The following SFRP1 variants were observed in gnomAD, a reference collection of about 807,000 sequenced individuals.
The protein encoded by SFRP1 is secreted frizzled related protein 1.
Under a neutral mutation model 25.9 loss-of-function variants are expected in SFRP1, and 9 were observed. The ratio of observed to expected loss-of-function variants is 0.35; its 90% CI spans 0.21 to 0.61. SFRP1 has a LOEUF of 0.61. SFRP1 is among the 20% of genes least tolerant of loss of function. The probability of loss-of-function intolerance (pLI) is 0.78; values close to 1 mark genes in which losing one functional copy is unlikely to be tolerated. For missense variants in SFRP1, 346 were observed against 418.2 expected, an observed-to-expected ratio of 0.83 and a Z score of 1.51; for synonymous variants, 178 against 174.0, an observed-to-expected ratio of 1.02 and a Z score of -0.18.
chr8:41,283,353 C>T (rs959221809), intron 2 of SFRP1, among the ~76,000 whole-genome samples: 6 of 152,128 alleles, frequency 3.9e-5, no homozygotes, highest in African/African-American at 1.4e-4. Flanking sequence ...GTCACATTCT[C>T]TGCATTAGAC....
At chr8:41,291,072 A>G (rs1585516152) in intron 2 of SFRP1, among the ~76,000 whole-genome samples, 3 of 147,822 alleles carry the variant, frequency 2.0e-5, no homozygotes, top group Admixed American at 2.0e-4. Context: ...AGGCCCCGCT[A>G]TTTTTTTTTG....
chr8:41,265,126 A>AGCCCC lies in SFRP1; in HGVS notation c.*40_*41insGGGGC. On this transcript the variant is annotated 3_prime_UTR_variant, in exon 3 of 3. Coordinates refer to ENST00000220772, the MANE Select transcript of SFRP1 (RefSeq NM_003012.5). ...CCGGGGCACTGTCCCCCCCGCTCCC[A>AGCCCC]CCCCACCCGAGGCTCCCTCCCCACC... 7.3e-6 allele frequency: 1 copy of AGCCCC among 136,966 alleles called. No homozygotes were observed. Among genetic ancestry groups the AGCCCC allele is most frequent in the Non-Finnish European group, 1.4e-5 (1 of 71,656 alleles). 8.5% of individuals were successfully genotyped at this position (136,966 alleles called of 1,614,324 possible). A position where few individuals can be genotyped will look rare whatever the true frequency, so the allele number is the denominator to read the frequency against.
intron 2 of SFRP1, among the ~76,000 whole-genome samples, chr8:41,299,662 C>CAAAAAAAA (rs61141419): frequency 8.7e-4 from 58 of 66,352 alleles, no homozygotes; most frequent in African/African-American, 3.9e-3. Flanking sequence ...GACTTAGTCT[C>CAAAAAAAA]AAAAAAAAAA....
At chr8:41,271,429 C>T in intron 2 of SFRP1, 1 of 170,498 alleles carries the variant, frequency 5.9e-6, no homozygotes, top group Non-Finnish European at 1.3e-5. Context: ...CTCCTAAAAG[C>T]AAGATGGGTC....
At chr8:41,278,568 C>T (rs886836513) in intron 2 of SFRP1, among the ~76,000 whole-genome samples, 2 of 152,218 alleles carry the variant, frequency 1.3e-5, no homozygotes, top group African/African-American at 2.4e-5. Context: ...GAAGCCCAGA[C>T]CGCACAATGG....
chr8:41,281,023 G>A (rs548480105), intron 2 of SFRP1, among the ~76,000 whole-genome samples: 4 of 152,336 alleles, frequency 2.6e-5, no homozygotes, highest in African/African-American at 9.6e-5. Flanking sequence ...CCAGGTTTGG[G>A]GGCCAAGGCT....
chr8:41,290,003 C>G (rs1052230987), intron 2 of SFRP1, among the ~76,000 whole-genome samples: 1 of 152,228 alleles, frequency 6.6e-6, no homozygotes, highest in African/African-American at 2.4e-5. Flanking sequence ...CCAGCACAGC[C>G]AGGCTCACCA....
intron 2 of SFRP1, among the ~76,000 whole-genome samples, chr8:41,268,505 T>C (rs528137211): frequency 1.3e-5 from 2 of 152,302 alleles, no homozygotes; most frequent in South Asian, 2.1e-4. Context: ...TTTACGTAGG[T>C]GGGGGAGCAG....
Position 41,303,461 on chromosome 8 carries a change from C to T in SFRP1, c.622G>A (p.Ala208Thr). ...GAGGCAGCTAGAAACGCTTTCTTACCAAACTCGCTGGCACAGAGATGTTCA... is the reference window on the plus strand; with the variant it reads ...GAGGCAGCTAGAAACGCTTTCTTACTAAACTCGCTGGCACAGAGATGTTCA... ...IIEHLCASEF[A>T]LRMKIKEVKK... is the part of the protein sequence containing the mutation. The change falls in exon 2 of 3, where the codon GCA becomes ACA. Residue 208 changes from alanine (A) to threonine (T), a missense_variant and splice_region_variant. By Grantham distance (58) the Ala-to-Thr change is moderately conservative. Coordinates refer to ENST00000220772, the MANE Select transcript of SFRP1 (RefSeq NM_003012.5). 5 of 1,613,304 alleles carry T rather than the reference C, an allele frequency of 3.1e-6. No individual in the cohort carries two copies. The highest frequency in any genetic ancestry group is 4.2e-6 in the Non-Finnish European group (5 of 1,179,452).
At chr8:41,279,137 A>G (rs921191763) in intron 2 of SFRP1, among the ~76,000 whole-genome samples, 1 of 151,926 alleles carries the variant, frequency 6.6e-6, no homozygotes, top group African/African-American at 2.4e-5. Flanking sequence ...ATGGCCCAAA[A>G]CGCATCCAAT....
Position 41,309,058 on chromosome 8 carries a change from G to C in SFRP1, c.102C>G (p.Tyr34Ter). 1 of 1,602,958 alleles carries C rather than the reference G, an allele frequency of 6.2e-7. No homozygotes were observed. Among genetic ancestry groups the C allele is most frequent in the Non-Finnish European group, 8.5e-7 (1 of 1,179,458 alleles). The change falls in exon 1 of 3, where the codon TAC becomes TAG. Residue 34 changes from tyrosine (Y) to a stop codon, truncating the protein, a stop_gained. Coordinates refer to ENST00000220772, the MANE Select transcript of SFRP1 (RefSeq NM_003012.5). LOFTEE classifies it high-confidence loss of function. ...ALLAVGSASE[Y>*]DYVSFQSDIG... ...TGTCCGACTGGAAGCTCACGTAGTC[G>C]TACTCGCTGGCCGAGCCCACGGCCA...
rs75693009 is a variant in SFRP1, at chr8:41,294,983, T to C, written c.622+8478A>G. ...AGGAAGAACCCCAAGGCTAGTGTGA[T>C]ATGGAAACTCCAGCATCTGGAGCTG... On this transcript the variant is annotated intron_variant, in intron 2 of 2. Transcript: ENST00000220772. 7.4e-3 allele frequency among the ~76,000 whole-genome samples: 1,129 copies of C among 152,306 alleles called. 9 individuals are homozygous for C. The highest frequency in any genetic ancestry group is 0.02 in the Middle Eastern group (6 of 294).
intron 1 of SFRP1, among the ~76,000 whole-genome samples, chr8:41,307,479 T>G (rs1804012969): frequency 6.6e-6 from 1 of 152,160 alleles, no homozygotes. Context: ...AAAGACACTT[T>G]AAGGTGAGCT....
intron 2 of SFRP1, among the ~76,000 whole-genome samples, chr8:41,295,748 T>TG: frequency 6.6e-6 from 1 of 151,642 alleles, no homozygotes; most frequent in Non-Finnish European, 1.5e-5. Context: ...TGCAGCATTT[T>TG]TTTTTTTTTG....
intron 1 of SFRP1, chr8:41,306,844 T>C (rs748069164): frequency 1.3e-6 from 2 of 1,597,770 alleles, no homozygotes; most frequent in South Asian, 1.1e-5. Flanking sequence ...GATTATGGGG[T>C]TTCCCCATCC....
chr8:41,280,141 A>AG (rs1332062207), intron 2 of SFRP1, among the ~76,000 whole-genome samples: 25 of 152,148 alleles, frequency 1.6e-4, no homozygotes, highest in African/African-American at 5.8e-4. Context: ...TCCCAAGTCC[A>AG]GGGGAGTGCA....
chr8:41,305,551 C>T lies in SFRP1; in HGVS notation c.545-2013G>A, dbSNP rs73618187. ...AAATGTGTGATGCGGTATTAACCTGCGCCTCATTGGTGCGTCTTGGGGCTC... is the reference window on the plus strand; with the variant it reads ...AAATGTGTGATGCGGTATTAACCTGTGCCTCATTGGTGCGTCTTGGGGCTC... On this transcript the variant is annotated intron_variant, in intron 1 of 2. Coordinates refer to ENST00000220772, the MANE Select transcript of SFRP1 (RefSeq NM_003012.5). 5.2e-3 allele frequency among the ~76,000 whole-genome samples: 785 copies of T among 152,280 alleles called. 6 individuals are homozygous for T. The highest frequency in any genetic ancestry group is 0.018 in the African/African-American group (737 of 41,548).
At chr8:41,274,939 T>C (rs1395477103) in intron 2 of SFRP1, among the ~76,000 whole-genome samples, 1 of 152,138 alleles carries the variant, frequency 6.6e-6, no homozygotes, top group African/African-American at 2.4e-5. Flanking sequence ...AACTTGGCCA[T>C]ATAGTTAGGA....
intron 1 of SFRP1, among the ~76,000 whole-genome samples, chr8:41,305,262 T>C (rs576658887): frequency 1.3e-5 from 2 of 152,298 alleles, no homozygotes; most frequent in South Asian, 2.1e-4. Flanking sequence ...GATCCAAACA[T>C]AAAGGGCACA....
Sources: allele counts gnomAD v4.1 joint callset (sites outside exome capture counted in the v4.1 genomes callset), GRCh38; gene constraint gnomAD v4.1.1; transcripts MANE v1.5; gene names NCBI Gene and HGNC (gene_info 2026-07-23, HGNC 2026-07-21).